Variants in CLNK observed in about 807,000 individuals in gnomAD.
CLNK encodes the protein cytokine-dependent hematopoietic cell linker.
A neutral mutation model predicts 68.6 loss-of-function variants in CLNK; 74 were observed. The observed-to-expected ratio is 1.08, with a 90% CI of 0.89 to 1.31. The LOEUF (loss-of-function observed/expected upper bound fraction) is 1.31, where lower values mean the gene tolerates loss of function less well. Among genes scored for constraint, CLNK ranks in the 50% most tolerant of loss-of-function variants. The pLI is 0.00. For missense variants in CLNK, 553 were observed against 515.3 expected (o/e 1.07, Z -0.71); for synonymous variants, 198 against 172.2 (o/e 1.15, Z -1.17).
chr4:10,675,941 T>A (rs934999523), intron 1 of CLNK, among the ~76,000 whole-genome samples: 3 of 152,166 alleles, frequency 2.0e-5, no homozygotes, highest in African/African-American at 7.2e-5. Flanking sequence ...ACAATACACA[T>A]CTGACTTTTT....
chr4:10,732,317 T>A, the CLNK span, among the ~76,000 whole-genome samples: 2 of 152,142 alleles, frequency 1.3e-5, no homozygotes, highest in Admixed American at 1.3e-4. Context: ...TTTAACAGGA[T>A]TTGAGGAGCA....
Position 10,649,088 on chromosome 4 carries a change from G to A in CLNK, c.11+18771C>T, listed in dbSNP as rs936477855. Among the ~76,000 whole-genome samples, 5 of 152,148 alleles carry A rather than the reference G, an allele frequency of 3.3e-5. No homozygotes were observed. In the East Asian group the frequency reaches 9.6e-4, roughly 29 times the overall value. ...GTAAAACGTTAGTGAATCACGTTAA[G>A]CAAAGAACAGATGTGTTACTTTTCT... On this transcript the variant is annotated intron_variant, in intron 2 of 18. Coordinates refer to ENST00000226951, the MANE Select transcript of CLNK (RefSeq NM_052964.4).
chr4:10,559,379 T>C (rs1449875543), intron 7 of CLNK, among the ~76,000 whole-genome samples: 2 of 152,146 alleles, frequency 1.3e-5, no homozygotes, highest in African/African-American at 4.8e-5. Context: ...GGGTTGAGTG[T>C]TGGTTGGATT....
chr4:10,652,896 G>A (rs1472886391), intron 2 of CLNK, among the ~76,000 whole-genome samples: 16 of 152,186 alleles, frequency 1.1e-4, no homozygotes, highest in Non-Finnish European at 2.4e-4. Flanking sequence ...GCACATGTAT[G>A]TTTATTGCGG....
At chr4:10,551,431 A>AT (rs71181045) in intron 8 of CLNK, among the ~76,000 whole-genome samples, 13,845 of 149,300 alleles carry the variant, frequency 0.093, 675 homozygotes, top group East Asian at 0.17. Flanking sequence ...ATATATATAT[A>AT]TTTTTTTTTA....
the CLNK span, among the ~76,000 whole-genome samples, chr4:10,711,001 G>T: frequency 1.3e-5 from 2 of 152,176 alleles, no homozygotes; most frequent in African/African-American, 4.8e-5. Flanking sequence ...CTGAGAATAA[G>T]ATGTGTGCTA....
chr4:10,677,837 CAAT>C (rs68067128), intron 1 of CLNK, among the ~76,000 whole-genome samples: 12 of 149,110 alleles, frequency 8.0e-5, no homozygotes, highest in African/African-American at 1.7e-4. Context: ...ATAAAAATAG[CAAT>C]AATAATAATA....
chr4:10,534,952 G>A (rs769701681), intron 11 of CLNK, among the ~76,000 whole-genome samples: 2 of 152,048 alleles, frequency 1.3e-5, no homozygotes, highest in Non-Finnish European at 2.9e-5. Flanking sequence ...ACGGTTTCTC[G>A]ATATCTATAA....
At chr4:10,493,476 A>G (rs764379383) in intron 18 of CLNK, among the ~76,000 whole-genome samples, 3 of 152,130 alleles carry the variant, frequency 2.0e-5, no homozygotes, top group Admixed American at 1.3e-4. Flanking sequence ...GTGTCCTCAC[A>G]TGGTCCAAAG....
the CLNK span, among the ~76,000 whole-genome samples, chr4:10,731,622 A>C: frequency 1.3e-5 from 2 of 152,224 alleles, no homozygotes; most frequent in African/African-American, 4.8e-5. Flanking sequence ...TGTTTCTAAC[A>C]ATTTGAGTTT....
the CLNK span, among the ~76,000 whole-genome samples, chr4:10,696,874 A>T: frequency 5.3e-5 from 8 of 152,208 alleles, no homozygotes; most frequent in Admixed American, 5.2e-4. Flanking sequence ...ATCAATCAGG[A>T]TATTTGTTAA....
the CLNK span, among the ~76,000 whole-genome samples, chr4:10,729,302 A>C: frequency 1.3e-5 from 2 of 152,218 alleles, no homozygotes; most frequent in Non-Finnish European, 2.9e-5. Flanking sequence ...GGGAAGTCTT[A>C]TATACTGTTA....
chr4:10,681,802 A>G (rs983181158), intron 1 of CLNK, among the ~76,000 whole-genome samples: 2 of 152,148 alleles, frequency 1.3e-5, no homozygotes, highest in African/African-American at 2.4e-5. Flanking sequence ...GCTCGGGTGG[A>G]CCTGGGTCTC....
At position 10,491,424 on chromosome 4, in the gene CLNK, C is replaced by T. The variant is rs367620924; in HGVS notation, c.1141-811G>A. ...CTGCAGTGAGCTTGCCCTCCAGTAACGAAGTCTAAGGAATTCTAGTATACA... is the reference window on the plus strand; with the variant it reads ...CTGCAGTGAGCTTGCCCTCCAGTAATGAAGTCTAAGGAATTCTAGTATACA... On this transcript the variant is annotated intron_variant, in intron 18 of 18. Coordinates refer to ENST00000226951, the MANE Select transcript of CLNK (RefSeq NM_052964.4). Among the ~76,000 whole-genome samples, 3 of 152,110 alleles carry T rather than the reference C, an allele frequency of 2.0e-5. No homozygotes were observed. In the East Asian group the frequency reaches 5.8e-4, roughly 29 times the overall value.
chr4:10,570,227 C>A (rs1177276595), intron 5 of CLNK, among the ~76,000 whole-genome samples: 2 of 152,194 alleles, frequency 1.3e-5, no homozygotes, highest in African/African-American at 4.8e-5. Flanking sequence ...GCTGGAAGAA[C>A]TGGGATGTGA....
intron 7 of CLNK, among the ~76,000 whole-genome samples, chr4:10,560,016 C>G (rs1423150541): frequency 6.6e-6 from 1 of 152,142 alleles, no homozygotes; most frequent in Non-Finnish European, 1.5e-5. Context: ...CAAAAGTCCC[C>G]TGGGGGGCAA....
In CLNK at chr4:10,487,472, A is replaced by G. The variant is rs1016517479; in HGVS notation, c.*2995T>C. 1.1e-4 allele frequency: 17 copies of G among 152,198 alleles called. No homozygotes were observed. Among genetic ancestry groups the G allele is most frequent in the African/African-American group, 3.9e-4 (16 of 41,442 alleles). 9.4% of individuals were successfully genotyped at this position (152,198 alleles called of 1,614,324 possible). On this transcript the variant is annotated 3_prime_UTR_variant, in exon 19 of 19. Coordinates refer to ENST00000226951, the MANE Select transcript of CLNK (RefSeq NM_052964.4). Reference sequence around the variant, plus strand: ...AAATGTAAATGTGATTGTCCTTACTACAATCAACACTGAAAACAGTGAATT... The same window carrying G: ...AAATGTAAATGTGATTGTCCTTACTGCAATCAACACTGAAAACAGTGAATT...
chr4:10,501,194 CA>C, intron 18 of CLNK, 61 bp downstream of exon 18: 7 of 1,488,740 alleles, frequency 4.7e-6, no homozygotes, highest in Non-Finnish European at 6.2e-6. Flanking sequence ...TGACATCCCC[CA>C]AACTCTTCCT....
At chr4:10,588,625 C>CA (rs1721071409) in intron 3 of CLNK, among the ~76,000 whole-genome samples, 1 of 152,130 alleles carries the variant, frequency 6.6e-6, no homozygotes, top group Non-Finnish European at 1.5e-5. Flanking sequence ...CATTCATTTT[C>CA]ACAATTTTTA....
Sources: allele counts gnomAD v4.1 joint callset (sites outside exome capture counted in the v4.1 genomes callset), GRCh38; gene constraint gnomAD v4.1.1; transcripts MANE v1.5; gene names NCBI Gene and HGNC (gene_info 2026-07-23, HGNC 2026-07-21).